NBR1: variants seen among roughly 807,000 people sequenced by gnomAD.
NBR1 encodes next to BRCA1 gene 1 protein.
NBR1 carries 59 observed loss-of-function variants against 115.5 expected under a neutral mutation model. The ratio of observed to expected loss-of-function variants is 0.51; its 90% CI spans 0.41 to 0.63. NBR1 has a LOEUF of 0.63. Ranked by LOEUF, NBR1 falls within the 30% of genes least tolerant of loss-of-function variation. The pLI, the probability that NBR1 is intolerant of heterozygous loss-of-function variation, is 0.00. For missense variants in NBR1, 1,043 were observed against 1,150.5 expected, an observed-to-expected ratio of 0.91 and a Z score of 1.35; for synonymous variants, 373 against 414.7, an observed-to-expected ratio of 0.90 and a Z score of 1.22.
rs776800743 is a variant in NBR1, at chr17:43,202,694, A to G, written c.2603A>G (p.Lys868Arg). The G allele has an allele frequency of 1.3e-5, 20 of 1,575,782 alleles. No homozygotes were observed. The highest frequency in any genetic ancestry group is 5.5e-5 in the Admixed American group (3 of 54,142). ...TCAGGACTTGTAAACAGCAGACAGA[A>G]GAGCTATGACCACTCAAGGTAACAA... Reference protein sequence around the residue: ...GSSGLVNSRQKSYDHSRHHHG... With the variant: ...GSSGLVNSRQRSYDHSRHHHG... Residue 868 changes from lysine (K) to arginine (R), a missense_variant, in exon 19 of 21, where the codon AAG (lysine) becomes AGG (arginine). Coordinates refer to ENST00000590996, the MANE Select transcript of NBR1 (RefSeq NM_005899.5).
At chr17:43,206,180 A>G (rs2057313277) in intron 20 of NBR1, among the ~76,000 whole-genome samples, 1 of 151,640 alleles carries the variant, frequency 6.6e-6, no homozygotes, top group South Asian at 2.1e-4. Flanking sequence ...TGTCTCAAAA[A>G]AAAAAAAAAA....
chr17:43,191,920 C>A (rs2056956118), intron 10 of NBR1, among the ~76,000 whole-genome samples: 1 of 151,516 alleles, frequency 6.6e-6, no homozygotes, highest in Admixed American at 6.6e-5. Context: ...TGGGGTTTCA[C>A]CGTGTTAGCC....
At chr17:43,174,672 G>A (rs1000831563) in intron 1 of NBR1, among the ~76,000 whole-genome samples, 5 of 152,056 alleles carry the variant, frequency 3.3e-5, no homozygotes, top group Non-Finnish European at 7.4e-5. Context: ...ACTATGGTCA[G>A]TTCATTGTTG....
chr17:43,193,829 T>C (rs2057007100), intron 12 of NBR1, among the ~76,000 whole-genome samples, 191 bp downstream of exon 12: 2 of 152,226 alleles, frequency 1.3e-5, no homozygotes, highest in Admixed American at 6.5e-5. Flanking sequence ...TTAGCGTCTT[T>C]AGGGTCTTGC....
rs2056927026 is a variant in NBR1 at position 43,190,769 on chromosome 17, C to G, written c.856C>G (p.Gln286Glu). 1 of 1,599,360 alleles carries G rather than the reference C, an allele frequency of 6.3e-7. No homozygotes were observed. The highest frequency in any genetic ancestry group is 2.2e-5 in the East Asian group (1 of 44,714). The change falls in exon 9 of 21, where the codon CAA becomes GAA. Residue 286 changes from glutamine to glutamate, a missense_variant. Gln to Glu is a conservative substitution (Grantham distance 29, BLOSUM62 2). Transcript: ENST00000590996. ...TCCTCGTCTTCCTGCTGCTCTGGAA[C>G]AAGTCAGGTAAAACCCTCTACATGG... ...STPRLPAALE[Q>E]VRLQKQVDKN...
At chr17:43,197,296 G>C (rs1190028031) in intron 16 of NBR1, among the ~76,000 whole-genome samples, 190 bp downstream of exon 16, 2 of 152,144 alleles carry the variant, frequency 1.3e-5, no homozygotes, top group Non-Finnish European at 2.9e-5. Context: ...AAGGCAGGCG[G>C]ATCACAAGGT....
intron 20 of NBR1, among the ~76,000 whole-genome samples, chr17:43,206,401 T>C (rs924016361): frequency 2.0e-5 from 3 of 152,094 alleles, no homozygotes; most frequent in African/African-American, 4.8e-5. Context: ...CTCATGCCTG[T>C]AATCCCAGCA....
chr17:43,178,379 C>CT (rs1317249551), intron 3 of NBR1, among the ~76,000 whole-genome samples: 76 of 121,656 alleles, frequency 6.2e-4, no homozygotes, highest in East Asian at 1.5e-3. Context: ...TTTTTTTTTT[C>CT]TTTTTTTTTT....
chr17:43,199,819 A>G (rs1462135196), intron 16 of NBR1, among the ~76,000 whole-genome samples: 3 of 152,150 alleles, frequency 2.0e-5, no homozygotes, highest in East Asian at 1.9e-4. Flanking sequence ...CTCTTTTTAT[A>G]GCACTGTTAG....
chr17:43,179,551 G>T, intron 4 of NBR1, 139 bp downstream of exon 4: 1 of 816,858 alleles, frequency 1.2e-6, no homozygotes, highest in Non-Finnish European at 2.0e-6. Context: ...TTACCTAGGG[G>T]ATTTTATTGT....
chr17:43,188,658 A>G (rs923534133), intron 6 of NBR1, among the ~76,000 whole-genome samples: 1 of 152,308 alleles, frequency 6.6e-6, no homozygotes, highest in East Asian at 1.9e-4. Flanking sequence ...GAAGGGGTCC[A>G]GTTTCAGTTT....
intron 16 of NBR1, among the ~76,000 whole-genome samples, chr17:43,197,323 T>C (rs1008619585): frequency 1.3e-5 from 2 of 152,070 alleles, no homozygotes; most frequent in African/African-American, 4.8e-5. Context: ...ATCAAGTCCA[T>C]CCTGGCTAAC....
Position 43,193,099 on chromosome 17 carries a change from C to G in NBR1, c.1079C>G (p.Pro360Arg). The G allele has an allele frequency of 6.2e-7, 1 of 1,613,422 alleles. No homozygotes were observed. Among genetic ancestry groups the G allele is most frequent in the South Asian group, 1.1e-5 (1 of 91,002 alleles). The part of the protein sequence containing the change: ...SLLQSNTLML[P>R]LQPCTSVMPM... Reference sequence around the variant, plus strand: ...GCATCTGAATTTCTGTTCAGGCTCCCTTTGCAGCCCTGTACCTCCGTTATG... The same window carrying G: ...GCATCTGAATTTCTGTTCAGGCTCCGTTTGCAGCCCTGTACCTCCGTTATG... Residue 360 changes from proline (P) to arginine (R), a missense_variant, in exon 11 of 21, where the codon CCT (proline) becomes CGT (arginine). By Grantham distance (103) the Pro-to-Arg change is moderately radical (BLOSUM62 -2). Transcript: ENST00000590996.
chr17:43,197,118 T>TG lies in NBR1; in HGVS notation c.2026+13dup, dbSNP rs750750805. Reference sequence around the variant, plus strand: ...GAAGTCCTTGCAGAGTGAGTGTCCTTGCATTTCCCCTACCTAGCAGGGTGG... The same window carrying TG: ...GAAGTCCTTGCAGAGTGAGTGTCCTTGGCATTTCCCCTACCTAGCAGGGTGG... On this transcript the variant is annotated intron_variant, in intron 16 of 20. Transcript: ENST00000590996. 18 of 1,613,032 alleles carry TG rather than the reference T, an allele frequency of 1.1e-5. No individual in the cohort carries two copies. Among genetic ancestry groups the TG allele is most frequent in the Non-Finnish European group, 1.5e-5 (18 of 1,179,488 alleles).
At chr17:43,204,099 G>A (rs892633542) in intron 20 of NBR1, among the ~76,000 whole-genome samples, 11 of 151,844 alleles carry the variant, frequency 7.2e-5, no homozygotes, top group African/African-American at 2.4e-4. Flanking sequence ...CACTACACCC[G>A]GCTAATTTTT....
rs778179484 is a variant in NBR1, at chr17:43,200,337, A to G, written c.2197A>G (p.Ile733Val). The G allele has an allele frequency of 1.3e-6, 2 of 1,553,818 alleles. No individual in the cohort carries two copies. Among genetic ancestry groups the G allele is most frequent in the Non-Finnish European group, 8.7e-7 (1 of 1,148,142 alleles). ...SQSSASSEDYIIILPECFDTS... is the reference protein window; with the variant it reads ...SQSSASSEDYVIILPECFDTS... The stretch of plus-strand genomic sequence containing the variant: ...GTCCTCTGCTTCCTCAGAGGATTAC[A>G]TCATCATCCTGCCTGAGTGCTTTGA... Residue 733 changes from isoleucine to valine, a missense_variant, in exon 17 of 21, where the codon ATC (isoleucine) becomes GTC (valine). Physicochemically the swap from Ile to Val is conservative, Grantham distance 29 (BLOSUM62 3). Coordinates refer to ENST00000590996, the MANE Select transcript of NBR1 (RefSeq NM_005899.5).
At chr17:43,199,776 T>C (rs555187416) in intron 16 of NBR1, among the ~76,000 whole-genome samples, 1 of 152,202 alleles carries the variant, frequency 6.6e-6, no homozygotes, top group African/African-American at 2.4e-5. Flanking sequence ...GAGATAGACA[T>C]ATAATCCTGC....
intron 18 of NBR1, among the ~76,000 whole-genome samples, chr17:43,202,339 C>G (rs1373271738): frequency 2.0e-5 from 3 of 152,104 alleles, no homozygotes; most frequent in African/African-American, 2.4e-5. Context: ...CCATCTCCCC[C>G]TTTCCTGACT....
At chr17:43,189,525 T>C in intron 7 of NBR1, 63 bp from the exon 8 acceptor site, 2 of 1,167,200 alleles carry the variant, frequency 1.7e-6, no homozygotes, top group East Asian at 2.3e-5. Flanking sequence ...TCTATTGATA[T>C]CTTCACATTT....
Sources: gnomAD v4.1 joint callset for allele counts (sites outside exome capture counted in the v4.1 genomes callset) on GRCh38, gnomAD v4.1.1 for gene constraint, MANE v1.5 for transcripts, NCBI Gene and HGNC (gene_info 2026-07-23, HGNC 2026-07-21) for gene names.